The following SORCS3 variants were observed in gnomAD, a reference collection of about 807,000 sequenced individuals.
The protein encoded by SORCS3 is VPS10 domain-containing receptor SorCS3.
A neutral mutation model predicts 146.3 loss-of-function variants in SORCS3; 57 were observed. That is an observed-to-expected ratio of 0.39 (90% confidence interval 0.31 to 0.49). SORCS3 has a LOEUF of 0.49. SORCS3 is among the 20% of genes least tolerant of loss of function. SORCS3 has a pLI of 0.92. For synonymous variants in SORCS3, 653 were observed against 618.5 expected (o/e 1.06, Z -0.83); for missense variants, 1,341 against 1,575.5 (o/e 0.85, Z 2.52).
chr10:104,799,768 C>T (rs573439501), intron 1 of SORCS3, among the ~76,000 whole-genome samples: 11 of 152,114 alleles, frequency 7.2e-5, no homozygotes, highest in South Asian at 6.2e-4. Context: ...CTCTGCCTCC[C>T]GGGTTCACGC....
At chr10:104,658,913 G>A (rs1353801268) in intron 1 of SORCS3, among the ~76,000 whole-genome samples, 1 of 151,568 alleles carries the variant, frequency 6.6e-6, no homozygotes, top group African/African-American at 2.4e-5. Context: ...TGGAGGACTA[G>A]CCTTCACATG....
At chr10:105,001,658 C>T (rs1245762421) in intron 4 of SORCS3, among the ~76,000 whole-genome samples, 1 of 152,120 alleles carries the variant, frequency 6.6e-6, no homozygotes, top group African/African-American at 2.4e-5. Context: ...CCTATAGAAC[C>T]CCTTTAAGGG....
At chr10:105,117,237 C>T (rs1191013851) in intron 7 of SORCS3, among the ~76,000 whole-genome samples, 1 of 152,022 alleles carries the variant, frequency 6.6e-6, no homozygotes, top group African/African-American at 2.4e-5. Context: ...CTAGTTTCAC[C>T]ACTCCTGTCC....
intron 1 of SORCS3, among the ~76,000 whole-genome samples, chr10:104,783,687 A>G (rs2017400119): frequency 6.6e-6 from 1 of 152,202 alleles, no homozygotes; most frequent in South Asian, 2.1e-4. Flanking sequence ...AGATTGCGCC[A>G]TTGCACTCCA....
intron 4 of SORCS3, among the ~76,000 whole-genome samples, chr10:105,037,682 A>G (rs1328826615): frequency 2.0e-5 from 3 of 152,222 alleles, no homozygotes; most frequent in African/African-American, 7.2e-5. Flanking sequence ...ATTAGGGCCC[A>G]CCCTAACACC....
At chr10:105,176,648 G>A (rs2056405878) in intron 13 of SORCS3, among the ~76,000 whole-genome samples, 1 of 152,052 alleles carries the variant, frequency 6.6e-6, no homozygotes, top group Non-Finnish European at 1.5e-5. Context: ...GAGGCCAGAA[G>A]ATCGAGACCA....
chr10:105,031,924 G>T (rs2133696585), intron 4 of SORCS3, among the ~76,000 whole-genome samples: 1 of 152,276 alleles, frequency 6.6e-6, no homozygotes, highest in African/African-American at 2.4e-5. Context: ...CAGGTGCAGT[G>T]GCTCATACCT....
chr10:104,715,356 A>G (rs1334414596), intron 1 of SORCS3, among the ~76,000 whole-genome samples: 3 of 152,128 alleles, frequency 2.0e-5, no homozygotes, highest in Non-Finnish European at 2.9e-5. Context: ...CTGTCTTTGG[A>G]TGTTGGAGTT....
chr10:105,063,397 G>A (rs2055500822), intron 5 of SORCS3, among the ~76,000 whole-genome samples: 1 of 152,222 alleles, frequency 6.6e-6, no homozygotes, highest in South Asian at 2.1e-4. Context: ...CAGAATCACT[G>A]TGTAGACAAA....
intron 5 of SORCS3, among the ~76,000 whole-genome samples, chr10:105,062,607 GC>G (rs2055495409): frequency 6.6e-6 from 1 of 152,222 alleles, no homozygotes; most frequent in African/African-American, 2.4e-5. Context: ...GGTTAAAAGT[GC>G]AGTGAAGGAC....
intron 1 of SORCS3, among the ~76,000 whole-genome samples, chr10:104,789,462 A>G (rs1300191767): frequency 6.6e-6 from 1 of 152,174 alleles, no homozygotes; most frequent in Non-Finnish European, 1.5e-5. Context: ...CCTGGAGGGC[A>G]GGGATTTATT....
At chr10:104,845,088 C>T (rs1259629756) in intron 2 of SORCS3, among the ~76,000 whole-genome samples, 1 of 152,198 alleles carries the variant, frequency 6.6e-6, no homozygotes, top group Non-Finnish European at 1.5e-5. Context: ...CAGATTTTCC[C>T]TCTGCCTAGT....
At chr10:104,820,423 A>G (rs1023041793) in intron 1 of SORCS3, among the ~76,000 whole-genome samples, 2 of 152,254 alleles carry the variant, frequency 1.3e-5, no homozygotes, top group Non-Finnish European at 1.5e-5. Context: ...AGATGTTTAT[A>G]AACATCTACT....
intron 1 of SORCS3, among the ~76,000 whole-genome samples, chr10:104,708,631 T>G (rs1320852533): frequency 6.6e-6 from 1 of 152,158 alleles, no homozygotes; most frequent in Non-Finnish European, 1.5e-5. Context: ...ATAAATCCTG[T>G]TTTTCTGTAA....
intron 2 of SORCS3, among the ~76,000 whole-genome samples, chr10:104,862,827 A>G (rs1264985804): frequency 6.6e-6 from 1 of 152,190 alleles, no homozygotes; most frequent in African/African-American, 2.4e-5. Flanking sequence ...TGTAAATCAA[A>G]TCTGCAAAAA....
intron 1 of SORCS3, among the ~76,000 whole-genome samples, chr10:104,700,819 A>G (rs946930780): frequency 3.3e-5 from 5 of 152,166 alleles, no homozygotes; most frequent in Non-Finnish European, 7.3e-5. Flanking sequence ...CTGGAGTACA[A>G]CAAAGGATGT....
At chr10:104,858,938 T>TAAAAAAA in intron 2 of SORCS3, among the ~76,000 whole-genome samples, 1 of 138,544 alleles carries the variant, frequency 7.2e-6, no homozygotes, top group East Asian at 2.1e-4. Context: ...TGTACATTTA[T>TAAAAAAA]AAAAAAAAAA....
At chr10:105,186,698 C>T (rs1336765103) in intron 14 of SORCS3, among the ~76,000 whole-genome samples, 1 of 151,934 alleles carries the variant, frequency 6.6e-6, no homozygotes, top group Non-Finnish European at 1.5e-5. Flanking sequence ...GCTTGACCAA[C>T]ATAGTGAAAC....
intron 1 of SORCS3, among the ~76,000 whole-genome samples, chr10:104,713,379 T>C (rs1409698209): frequency 1.3e-5 from 2 of 152,212 alleles, no homozygotes; most frequent in Non-Finnish European, 2.9e-5. Flanking sequence ...TGTCCTTTTC[T>C]GTGGGATGTT....
Sources: allele counts gnomAD v4.1 joint callset (sites outside exome capture counted in the v4.1 genomes callset), GRCh38; gene constraint gnomAD v4.1.1; transcripts MANE v1.5; gene names NCBI Gene and HGNC (gene_info 2026-07-23, HGNC 2026-07-21).